The following GRM7 variants were observed in gnomAD, a reference collection of about 807,000 sequenced individuals.
GRM7 encodes glutamate metabotropic receptor 7.
In GRM7, 35 loss-of-function variants were observed where a neutral mutation model predicts 84.5. The ratio of observed to expected loss-of-function variants is 0.41; its 90% CI spans 0.32 to 0.55. GRM7 has a LOEUF of 0.55. Among genes scored for constraint, GRM7 ranks in the 20% least tolerant of loss-of-function variants. GRM7 has a pLI of 0.19. For synonymous variants in GRM7, 487 were observed against 455.1 expected (o/e 1.07, Z -0.89); for missense variants, 1,003 against 1,194.6 (o/e 0.84, Z 2.36).
At chr3:7,173,166 A>G (rs1161311019) in intron 2 of GRM7, among the ~76,000 whole-genome samples, 1 of 152,190 alleles carries the variant, frequency 6.6e-6, no homozygotes, top group African/African-American at 2.4e-5. Context: ...TGACTTCATA[A>G]TTCTTGTTTT....
intron 7 of GRM7, among the ~76,000 whole-genome samples, chr3:7,525,129 G>C (rs1239540): frequency 0.21 from 30,560 of 148,244 alleles, 3,475 homozygotes; most frequent in South Asian, 0.29. Flanking sequence ...GTGGGGGTAG[G>C]GGGGAGGGAT....
chr3:7,261,357 C>A (rs1698415528), intron 2 of GRM7, among the ~76,000 whole-genome samples: 1 of 152,104 alleles, frequency 6.6e-6, no homozygotes, highest in Admixed American at 6.5e-5. Flanking sequence ...TTTTATTGCA[C>A]TATGGTCCAA....
At chr3:7,516,905 G>A (rs1312829223) in intron 7 of GRM7, among the ~76,000 whole-genome samples, 1 of 152,122 alleles carries the variant, frequency 6.6e-6, no homozygotes, top group Non-Finnish European at 1.5e-5. Context: ...AATCTAACTG[G>A]TGGTATTTTT....
chr3:7,376,770 A>G (rs560882677), intron 4 of GRM7, among the ~76,000 whole-genome samples: 1 of 59,740 alleles, frequency 1.7e-5, no homozygotes, highest in Admixed American at 2.0e-4. Flanking sequence ...TACAGAAAAG[A>G]AAATTGCTGA....
intron 2 of GRM7, among the ~76,000 whole-genome samples, chr3:7,296,750 G>T (rs1699826625): frequency 6.6e-6 from 1 of 150,858 alleles, no homozygotes; most frequent in South Asian, 2.1e-4. Context: ...TCATTTGTTA[G>T]TTCTCCCTTT....
intron 2 of GRM7, among the ~76,000 whole-genome samples, chr3:7,149,382 C>T (rs79697928): frequency 0.015 from 2,221 of 152,180 alleles, 47 homozygotes; most frequent in African/African-American, 0.05. Flanking sequence ...AAAAAGAATC[C>T]ATCTCCTTCC....
At chr3:7,449,547 G>C (rs1191278653) in intron 5 of GRM7, among the ~76,000 whole-genome samples, 4 of 152,088 alleles carry the variant, frequency 2.6e-5, no homozygotes, top group African/African-American at 4.8e-5. Context: ...AGAGGGGCTT[G>C]CTCTGTCAGT....
intron 9 of GRM7, among the ~76,000 whole-genome samples, chr3:7,704,281 G>A (rs1289025835): frequency 1.3e-5 from 2 of 152,062 alleles, no homozygotes; most frequent in East Asian, 3.9e-4. Flanking sequence ...ATAAAACTCA[G>A]GCTTGCTTTC....
At chr3:7,279,566 G>A (rs1029067498) in intron 2 of GRM7, among the ~76,000 whole-genome samples, 4 of 152,152 alleles carry the variant, frequency 2.6e-5, no homozygotes, top group Non-Finnish European at 5.9e-5. Flanking sequence ...CCATGAGTAA[G>A]CAGAGGAAGT....
At position 7,292,726 on chromosome 3, in the gene GRM7, TA is replaced by T. The variant is rs869047081; in HGVS notation, c.737-5947del. On this transcript the variant is annotated intron_variant, in intron 2 of 9. Transcript: ENST00000357716. ...TTACATATATTATTTCTTTTTTTTT[TA>T]AAAAAAAAAACAAACCATTGAGGCT... Among the ~76,000 whole-genome samples the T allele has an allele frequency of 9.8e-3, 1,380 of 140,834 alleles. 13 individuals carry two copies. Among genetic ancestry groups the T allele is most frequent in the African/African-American group, 0.034 (1,279 of 38,118 alleles). The allele number at this position is 140,834 out of a possible 152,430, so 92.4% of individuals were successfully genotyped here.
At chr3:7,463,302 G>A (rs1698324956) in intron 7 of GRM7, among the ~76,000 whole-genome samples, 2 of 152,144 alleles carry the variant, frequency 1.3e-5, no homozygotes, top group African/African-American at 2.4e-5. Flanking sequence ...ACTTCAGATG[G>A]GGTCTTACAT....
chr3:6,887,151 A>T (rs1695727026), intron 1 of GRM7, among the ~76,000 whole-genome samples: 1 of 151,530 alleles, frequency 6.6e-6, no homozygotes, highest in Non-Finnish European at 1.5e-5. Context: ...TACCAGACAC[A>T]TTTACATGTA....
chr3:6,956,498 A>G (rs878918687), intron 1 of GRM7: 1 of 450,980 alleles, frequency 2.2e-6, no homozygotes, highest in East Asian at 7.0e-5. Context: ...TTCTCTTATT[A>G]TTGTATGAGA....
At chr3:7,346,880 AG>A (rs1692917630) in intron 4 of GRM7, among the ~76,000 whole-genome samples, 1 of 152,160 alleles carries the variant, frequency 6.6e-6, no homozygotes, top group Admixed American at 6.6e-5. Flanking sequence ...TCTTACCACA[AG>A]ATTGTGTATC....
intron 9 of GRM7, among the ~76,000 whole-genome samples, chr3:7,719,124 C>T (rs550934814): frequency 6.1e-4 from 92 of 152,034 alleles, no homozygotes; most frequent in Non-Finnish European, 9.6e-4. Flanking sequence ...CCCCAGGGAA[C>T]GCTATTTGGA....
intron 1 of GRM7, among the ~76,000 whole-genome samples, chr3:6,885,733 G>A (rs2124971568): frequency 6.6e-6 from 1 of 152,326 alleles, no homozygotes; most frequent in South Asian, 2.1e-4. Context: ...ATTTCCTTCT[G>A]TGTTTACCCC....
At chr3:7,452,513 A>T in intron 5 of GRM7, 94 bp from the exon 6 acceptor site, 3 of 865,776 alleles carry the variant, frequency 3.5e-6, no homozygotes, top group Non-Finnish European at 5.8e-6. Context: ...TTTAAGCATA[A>T]TTGAAAGTTT....
At chr3:7,566,511 C>A (rs1694278418) in intron 7 of GRM7, among the ~76,000 whole-genome samples, 1 of 152,016 alleles carries the variant, frequency 6.6e-6, no homozygotes, top group Non-Finnish European at 1.5e-5. Flanking sequence ...AAATATCTAT[C>A]TTTGATTGTT....
intron 3 of GRM7, 150 bp downstream of exon 3, chr3:7,298,975 A>G (rs1428559387): frequency 3.0e-6 from 2 of 671,610 alleles, no homozygotes; most frequent in Non-Finnish European, 5.2e-6. Flanking sequence ...TACCCAACAC[A>G]TACAGTGGTA....
Sources: allele counts gnomAD v4.1 joint callset (sites outside exome capture counted in the v4.1 genomes callset), GRCh38; gene constraint gnomAD v4.1.1; transcripts MANE v1.5; gene names NCBI Gene and HGNC (gene_info 2026-07-23, HGNC 2026-07-21).